DAB1: variants seen among roughly 807,000 people sequenced by gnomAD.
The protein encoded by DAB1 is DAB adaptor protein 1, also known as disabled homolog 1.
In DAB1, 15 loss-of-function variants were observed where a neutral mutation model predicts 64.6. The ratio of observed to expected loss-of-function variants is 0.23; its 90% CI spans 0.16 to 0.36. The LOEUF is 0.36. DAB1 is among the 10% of genes least tolerant of loss of function. The pLI, the probability that DAB1 is intolerant of heterozygous loss-of-function variation, is 1.00. For missense variants in DAB1, 596 were observed against 706.7 expected, an observed-to-expected ratio of 0.84 and a Z score of 1.78; for synonymous variants, 235 against 251.9, an observed-to-expected ratio of 0.93 and a Z score of 0.64.
At chr1:57,773,324 C>A (rs889532679) in intron 6 of DAB1, among the ~76,000 whole-genome samples, 1 of 148,652 alleles carries the variant, frequency 6.7e-6, no homozygotes, top group African/African-American at 2.5e-5. Flanking sequence ...GATTATTTAT[C>A]TTCTTGTTAT....
chr1:58,038,520 C>A (rs1297649698), intron 5 of DAB1, among the ~76,000 whole-genome samples: 1 of 152,190 alleles, frequency 6.6e-6, no homozygotes, highest in Admixed American at 6.5e-5. Context: ...CAACTGAGCA[C>A]TCAGCCATGA....
At chr1:57,303,408 A>G (rs1673841248) in intron 1 of DAB1, among the ~76,000 whole-genome samples, 1 of 152,172 alleles carries the variant, frequency 6.6e-6, no homozygotes, top group South Asian at 2.1e-4. Flanking sequence ...ATCTCTCCCC[A>G]AGGACAATCT....
At chr1:57,066,195 G>A (rs1650894399) in intron 8 of DAB1, among the ~76,000 whole-genome samples, 1 of 152,158 alleles carries the variant, frequency 6.6e-6, no homozygotes, top group African/African-American at 2.4e-5. Flanking sequence ...TGACCATGTG[G>A]AAAGCTGAAA....
At chr1:57,675,397 G>A (rs551860766) in intron 6 of DAB1, among the ~76,000 whole-genome samples, 3 of 152,290 alleles carry the variant, frequency 2.0e-5, no homozygotes, top group African/African-American at 7.2e-5. Context: ...GATAAAATAA[G>A]TGTCAGCTTA....
At chr1:58,516,785 C>T (rs755672275) in intron 2 of DAB1, among the ~76,000 whole-genome samples, 1 of 152,170 alleles carries the variant, frequency 6.6e-6, no homozygotes. Flanking sequence ...ACCAAGCTCA[C>T]AAGATTGACA....
intron 4 of DAB1, among the ~76,000 whole-genome samples, chr1:58,301,969 C>T (rs1476477075): frequency 6.6e-6 from 1 of 152,142 alleles, no homozygotes; most frequent in Non-Finnish European, 1.5e-5. Context: ...TATGATCTCA[C>T]TTAATTCTCA....
intron 5 of DAB1, among the ~76,000 whole-genome samples, chr1:57,926,034 A>G (rs1644874967): frequency 6.6e-6 from 1 of 152,200 alleles, no homozygotes; most frequent in African/African-American, 2.4e-5. Flanking sequence ...TTAAAAATAC[A>G]TTACACGATG....
intron 7 of DAB1, among the ~76,000 whole-genome samples, chr1:57,586,204 G>T (rs1645378274): frequency 1.3e-5 from 2 of 152,152 alleles, no homozygotes; most frequent in Admixed American, 1.3e-4. Flanking sequence ...GGATCTTACA[G>T]TCAGAAGGTG....
chr1:57,146,128 CA>C (rs1487694227), intron 2 of DAB1, among the ~76,000 whole-genome samples: 7 of 152,166 alleles, frequency 4.6e-5, no homozygotes, highest in African/African-American at 1.7e-4. Flanking sequence ...GAAGTGAGGA[CA>C]ATAAAGTTAA....
rs77440787 is a variant in DAB1, at chr1:58,352,495, G to A, written n.258-9092C>T. Among the ~76,000 whole-genome samples, 996 of 152,280 alleles carry A rather than the reference G, an allele frequency of 6.5e-3. 14 individuals carry two copies. Among genetic ancestry groups the A allele is most frequent in the African/African-American group, 0.023 (965 of 41,554 alleles). ...TTGTAGAGAAAGGGACCACCATTTA[G>A]GGATGAGTAAAGTTTAGAGATTTGA... On this transcript the variant is annotated intron_variant and non_coding_transcript_variant, in intron 3 of 20. Coordinates refer to the DAB1 transcript ENST00000485760.
At chr1:57,812,319 C>CAAAAAAAAAAAAA (rs67005172) in intron 6 of DAB1, among the ~76,000 whole-genome samples, 5 of 101,208 alleles carry the variant, frequency 4.9e-5, no homozygotes, top group African/African-American at 7.4e-5. Context: ...GATTCATTGC[C>CAAAAAAAAAAAAA]AAAAAAAAAA....
chr1:58,516,533 C>T (rs1250299980), intron 2 of DAB1, among the ~76,000 whole-genome samples: 5 of 152,074 alleles, frequency 3.3e-5, no homozygotes, highest in South Asian at 2.1e-4. Context: ...ATTTATATAA[C>T]GACAAATGCC....
At chr1:57,809,447 T>C (rs1159378446) in intron 6 of DAB1, among the ~76,000 whole-genome samples, 1 of 152,192 alleles carries the variant, frequency 6.6e-6, no homozygotes, top group Admixed American at 6.5e-5. Context: ...AAATAAATGT[T>C]ACATTAAAAC....
At chr1:57,713,184 C>A (rs1050616222) in intron 6 of DAB1, among the ~76,000 whole-genome samples, 4 of 152,118 alleles carry the variant, frequency 2.6e-5, no homozygotes, top group African/African-American at 9.7e-5. Flanking sequence ...GTTCATGAAA[C>A]CTAACATGAG....
At chr1:57,285,492 C>T (rs1334399373) in intron 2 of DAB1, among the ~76,000 whole-genome samples, 3 of 151,996 alleles carry the variant, frequency 2.0e-5, no homozygotes, top group African/African-American at 7.3e-5. Flanking sequence ...AGGTTGGTCT[C>T]GAACACCTGA....
intron 3 of DAB1, among the ~76,000 whole-genome samples, chr1:58,372,391 T>C (rs1644272793): frequency 6.6e-6 from 1 of 152,234 alleles, no homozygotes; most frequent in Non-Finnish European, 1.5e-5. Flanking sequence ...ATCCAACGTC[T>C]GTACCCCCAT....
intron 2 of DAB1, among the ~76,000 whole-genome samples, chr1:57,286,481 T>C (rs1672325081): frequency 6.6e-6 from 1 of 152,244 alleles, no homozygotes; most frequent in Admixed American, 6.5e-5. Context: ...CATATTATCC[T>C]GGAAGGCCAG....
chr1:58,384,220 T>C (rs1031850757), intron 3 of DAB1, among the ~76,000 whole-genome samples: 1 of 151,910 alleles, frequency 6.6e-6, no homozygotes, highest in Non-Finnish European at 1.5e-5. Context: ...AAAAAGAAAA[T>C]CCTACCATTT....
chr1:57,581,221 T>C (rs1270330335), intron 7 of DAB1, among the ~76,000 whole-genome samples: 1 of 152,192 alleles, frequency 6.6e-6, no homozygotes, highest in East Asian at 1.9e-4. Context: ...CTTTGGAGGA[T>C]TGGGAAAGGG....
Sources: allele counts gnomAD v4.1 joint callset (sites outside exome capture counted in the v4.1 genomes callset), GRCh38; gene constraint gnomAD v4.1.1; transcripts MANE v1.5; gene names NCBI Gene and HGNC (gene_info 2026-07-23, HGNC 2026-07-21).